LINGO1: variants seen among roughly 807,000 people sequenced by gnomAD.
LINGO1 encodes the protein leucine-rich repeat and immunoglobulin-like domain-containing nogo receptor-interacting protein 1.
A neutral mutation model predicts 37.3 loss-of-function variants in LINGO1; 11 were observed. That is an observed-to-expected ratio of 0.29 (90% CI 0.19 to 0.49). The LOEUF (loss-of-function observed/expected upper bound fraction) is 0.49, where lower values mean the gene tolerates loss of function less well. LINGO1 is among the 20% of genes least tolerant of loss of function. The pLI is 0.99. For synonymous variants in LINGO1, 387 were observed against 403.0 expected (o/e 0.96, Z 0.48); for missense variants, 585 against 878.2 (o/e 0.67, Z 4.22).
chr15:77,643,163 G>A (rs1409404182), intron 3 of LINGO1, among the ~76,000 whole-genome samples: 1 of 152,252 alleles, frequency 6.6e-6, no homozygotes, highest in Non-Finnish European at 1.5e-5. Context: ...CAGGGTGAGG[G>A]CAGCTGGGGC....
chr15:77,763,153 C>G (rs189733486), intron 1 of LINGO1, among the ~76,000 whole-genome samples: 1 of 152,164 alleles, frequency 6.6e-6, no homozygotes, highest in African/African-American at 2.4e-5. Flanking sequence ...GTGGGATCGG[C>G]GGGCACAACA....
At chr15:77,783,175 G>A (rs904701283) in intron 1 of LINGO1, among the ~76,000 whole-genome samples, 7 of 152,114 alleles carry the variant, frequency 4.6e-5, no homozygotes, top group South Asian at 2.1e-4. Flanking sequence ...CGGCCCTGTC[G>A]TTTCCCTCCC....
chr15:77,664,177 G>GCA (rs1301428406), intron 3 of LINGO1, among the ~76,000 whole-genome samples: 1 of 151,830 alleles, frequency 6.6e-6, no homozygotes, highest in South Asian at 2.1e-4. Context: ...GTGTGCGCGC[G>GCA]CGCATGCGTT....
At chr15:77,784,185 A>C (rs900462723) in intron 1 of LINGO1, among the ~76,000 whole-genome samples, 13 of 152,238 alleles carry the variant, frequency 8.5e-5, no homozygotes, top group Admixed American at 5.9e-4. Context: ...CCCAAAAGGA[A>C]GAGTTGGTTC....
At chr15:77,653,554 G>T (rs1443346179) in intron 3 of LINGO1, among the ~76,000 whole-genome samples, 2 of 152,194 alleles carry the variant, frequency 1.3e-5, no homozygotes, top group Non-Finnish European at 2.9e-5. Flanking sequence ...TAAAGTCAAG[G>T]TATTACTGGT....
chr15:77,704,272 G>C (rs1444363348), intron 2 of LINGO1, among the ~76,000 whole-genome samples: 1 of 152,172 alleles, frequency 6.6e-6, no homozygotes, highest in Non-Finnish European at 1.5e-5. Flanking sequence ...AGCTCAGAGG[G>C]AGTGTGGATG....
chr15:77,718,441 C>T (rs2076010903), intron 2 of LINGO1, among the ~76,000 whole-genome samples: 1 of 151,004 alleles, frequency 6.6e-6, no homozygotes, highest in South Asian at 2.1e-4. Flanking sequence ...CCTGGACGAG[C>T]TCACACACGC....
In LINGO1 at chr15:77,642,614, C is replaced by T. The variant is rs2074533966; in HGVS notation, c.-12-26714G>A. 5.9e-5 allele frequency among the ~76,000 whole-genome samples: 9 copies of T among 152,286 alleles called. No individual in the cohort carries two copies. The South Asian group carries it at 1.9e-3, about 32-fold the overall frequency. On this transcript the variant is annotated intron_variant, in intron 3 of 3. Transcript: ENST00000559893. Reference sequence around the variant, plus strand: ...CAGTCTGGGCCTAGGGAAGGTGCCCCTCTCCCCAACCTGGCCCTAGGAAGC... The same window carrying T: ...CAGTCTGGGCCTAGGGAAGGTGCCCTTCTCCCCAACCTGGCCCTAGGAAGC...
chr15:77,756,830 G>T (rs77608710), intron 1 of LINGO1, among the ~76,000 whole-genome samples: 1 of 152,118 alleles, frequency 6.6e-6, no homozygotes, highest in African/African-American at 2.4e-5. Context: ...ATGTCCCCAC[G>T]TATATACACC....
chr15:77,791,967 G>C (rs1814841101), upstream of LINGO1, among the ~76,000 whole-genome samples: 1 of 151,978 alleles, frequency 6.6e-6, no homozygotes, highest in South Asian at 2.1e-4. Flanking sequence ...CAAGCAATGA[G>C]GCCCAGATTT....
In LINGO1 at chr15:77,731,910, G is replaced by A. The variant is rs180876406; in HGVS notation, c.-195+3082C>T. On this transcript the variant is annotated intron_variant, in intron 2 of 3. Coordinates refer to the LINGO1 transcript ENST00000561686. ...AGACAGCAGGGAAGAAGCTGGAGCC[G>A]CCTCCCCCACCACAACCACAGCAGC... 1.4e-3 allele frequency among the ~76,000 whole-genome samples: 209 copies of A among 152,184 alleles called. 1 individual carries two copies. The highest frequency in any genetic ancestry group is 4.9e-3 in the African/African-American group (204 of 41,528).
intron 2 of LINGO1, among the ~76,000 whole-genome samples, chr15:77,682,277 A>AGTGTGTGTGTGT (rs10581838): frequency 0.023 from 3,175 of 139,870 alleles, 113 homozygotes; most frequent in African/African-American, 0.07. Context: ...TAGAGATTAA[A>AGTGTGTGTGTGT]GTGTGTGTGT....
intron 1 of LINGO1, among the ~76,000 whole-genome samples, chr15:77,754,662 C>A (rs966317424): frequency 6.6e-6 from 1 of 152,234 alleles, no homozygotes; most frequent in East Asian, 1.9e-4. Flanking sequence ...GGGTGGGGCT[C>A]TGAGAAGGAA....
In LINGO1 at chr15:77,615,762, A is replaced by T. The variant is rs2073690517; in HGVS notation, c.145T>A (p.Ser49Thr). ...ATGCPPRCEC[S>T]AQDRAVLCHR... Reference sequence around the variant, plus strand: ...CACAGCACAGCGCGGTCCTGGGCGGAGCACTCGCAGCGGGGCGGGCAGCCC... The same window carrying T: ...CACAGCACAGCGCGGTCCTGGGCGGTGCACTCGCAGCGGGGCGGGCAGCCC... Residue 49 changes from serine (S) to threonine (T), a missense_variant, in exon 2 of 2, where the codon TCC becomes ACC. Transcript: ENST00000355300. 4.4e-6 allele frequency: 7 copies of T among 1,579,614 alleles called. No individual in the cohort carries two copies. Among genetic ancestry groups the T allele is most frequent in the Non-Finnish European group, 6.0e-6 (7 of 1,168,136 alleles).
intron 1 of LINGO1, among the ~76,000 whole-genome samples, chr15:77,806,440 G>A (rs1278326342): frequency 6.6e-6 from 1 of 152,194 alleles, no homozygotes; most frequent in African/African-American, 2.4e-5. Flanking sequence ...GCAGGCAGCA[G>A]CCTGGGTTCA....
rs778170323 is a variant in LINGO1 at position 77,615,190 on chromosome 15, G to T, written c.717C>A (p.Tyr239Ter). 1 of 1,613,680 alleles carries T rather than the reference G, an allele frequency of 6.2e-7. No individual in the cohort carries two copies. Among genetic ancestry groups the T allele is most frequent in the African/African-American group, 1.3e-5 (1 of 74,910 alleles). ...AIRDYSFKRLYRLKVLEISHW... is the reference protein window; with the variant it reads ...AIRDYSFKRL ...GGGAGATCTCCAAGACCTTGAGTCG[G>T]TACAGCCTCTTGAAGGAGTAGTCCC... The change falls in exon 2 of 2, where the codon TAC becomes TAA. Residue 239 changes from tyrosine (Y) to a stop codon, truncating the protein, a stop_gained. Transcript: ENST00000355300. LOFTEE classifies it high-confidence loss of function.
At chr15:77,760,914 A>ATTTT (rs2076469492) in intron 1 of LINGO1, among the ~76,000 whole-genome samples, 1 of 105,676 alleles carries the variant, frequency 9.5e-6, no homozygotes, top group African/African-American at 4.3e-5. Flanking sequence ...GTTAATAAGT[A>ATTTT]TCTTTTTTTT....
chr15:77,630,435 G>C (rs1017021212), intron 1 of LINGO1, among the ~76,000 whole-genome samples: 4 of 152,160 alleles, frequency 2.6e-5, no homozygotes, highest in Non-Finnish European at 5.9e-5. Context: ...GTTGTTTTTT[G>C]GGGGGTTGGG....
At chr15:77,796,569 C>T (rs1254519611) in intron 1 of LINGO1, among the ~76,000 whole-genome samples, 2 of 152,262 alleles carry the variant, frequency 1.3e-5, no homozygotes, top group African/African-American at 2.4e-5. Context: ...GCCTGCCTTC[C>T]TCCCCAGCCA....
Sources: allele counts gnomAD v4.1 joint callset (sites outside exome capture counted in the v4.1 genomes callset), GRCh38; gene constraint gnomAD v4.1.1; transcripts MANE v1.5; gene names NCBI Gene and HGNC (gene_info 2026-07-23, HGNC 2026-07-21).